Variants in KCTD8 observed in about 807,000 individuals in gnomAD.
KCTD8 encodes BTB/POZ domain-containing protein KCTD8.
Under a neutral mutation model 31.5 loss-of-function variants are expected in KCTD8, and 27 were observed. The observed-to-expected ratio is 0.86, with a 90% CI of 0.63 to 1.18. The LOEUF (loss-of-function observed/expected upper bound fraction) is 1.18. KCTD8 is among the 50% of genes most tolerant of loss of function. KCTD8 has a pLI of 0.00. For missense variants in KCTD8, 658 were observed against 647.7 expected, an observed-to-expected ratio of 1.02 and a Z score of -0.17; for synonymous variants, 290 against 280.0, an observed-to-expected ratio of 1.04 and a Z score of -0.36.
At chr4:44,352,549 A>T (rs1719230157) in intron 1 of KCTD8, among the ~76,000 whole-genome samples, 1 of 147,634 alleles carries the variant, frequency 6.8e-6, no homozygotes, top group Non-Finnish European at 1.5e-5. Context: ...ATATTTTTGT[A>T]TATTATATAT....
chr4:44,282,606 C>G (rs895599198), intron 1 of KCTD8, among the ~76,000 whole-genome samples: 1 of 152,132 alleles, frequency 6.6e-6, no homozygotes, highest in Admixed American at 6.6e-5. Context: ...ATCTGAACCT[C>G]TTGCACCAAA....
intron 1 of KCTD8, among the ~76,000 whole-genome samples, chr4:44,391,085 C>G (rs545492943): frequency 6.6e-6 from 1 of 151,792 alleles, no homozygotes; most frequent in Non-Finnish European, 1.5e-5. Flanking sequence ...GAATGGAAAA[C>G]CAAACATTGT....
chr4:44,303,957 C>G (rs1201151997), intron 1 of KCTD8, among the ~76,000 whole-genome samples: 3 of 152,114 alleles, frequency 2.0e-5, no homozygotes, highest in Non-Finnish European at 2.9e-5. Flanking sequence ...AATACAAACT[C>G]AGGTTACAAA....
At chr4:44,297,210 G>T (rs1485723214) in intron 1 of KCTD8, among the ~76,000 whole-genome samples, 1 of 151,898 alleles carries the variant, frequency 6.6e-6, no homozygotes, top group Non-Finnish European at 1.5e-5. Flanking sequence ...CCATAAATAG[G>T]TAAGCCCAAT....
chr4:44,291,659 A>T (rs1174762312), intron 1 of KCTD8, among the ~76,000 whole-genome samples: 1 of 152,188 alleles, frequency 6.6e-6, no homozygotes, highest in Admixed American at 6.6e-5. Context: ...CTATACAGCA[A>T]GAGAAATGAT....
At chr4:44,202,706 T>G (rs999175214) in intron 1 of KCTD8, among the ~76,000 whole-genome samples, 1 of 152,148 alleles carries the variant, frequency 6.6e-6, no homozygotes, top group South Asian at 2.1e-4. Flanking sequence ...TAGGATCACC[T>G]GTACTCAAAT....
At chr4:44,415,997 C>A (rs1312805931) in intron 1 of KCTD8, among the ~76,000 whole-genome samples, 1 of 152,190 alleles carries the variant, frequency 6.6e-6, no homozygotes, top group Non-Finnish European at 1.5e-5. Flanking sequence ...GCACTCAACT[C>A]CAACCCATGA....
At chr4:44,206,250 G>C (rs936459634) in intron 1 of KCTD8, among the ~76,000 whole-genome samples, 18 of 152,180 alleles carry the variant, frequency 1.2e-4, no homozygotes, top group African/African-American at 4.3e-4. Context: ...TTCATTACTG[G>C]TTCAATAGCA....
intron 1 of KCTD8, among the ~76,000 whole-genome samples, chr4:44,179,761 T>G (rs927060135): frequency 6.6e-6 from 1 of 151,988 alleles, no homozygotes. Context: ...CAGTTTTAAT[T>G]GCTATCCATT....
At chr4:44,235,578 T>TATATATATAGAGAG (rs1553895183) in intron 1 of KCTD8, among the ~76,000 whole-genome samples, 1 of 64,102 alleles carries the variant, frequency 1.6e-5, no homozygotes, top group African/African-American at 5.1e-5. Flanking sequence ...TATATATATT[T>TATATATATAGAGAG]AGAGAGAGAG....
At chr4:44,296,951 C>A (rs565245603) in intron 1 of KCTD8, among the ~76,000 whole-genome samples, 2 of 152,044 alleles carry the variant, frequency 1.3e-5, no homozygotes, top group Non-Finnish European at 2.9e-5. Flanking sequence ...TTTTCATTTT[C>A]TTTTACATCA....
intron 1 of KCTD8, among the ~76,000 whole-genome samples, chr4:44,255,803 A>G (rs1323521070): frequency 6.6e-6 from 1 of 151,980 alleles, no homozygotes. Context: ...TAAAAACATA[A>G]GATAACATCT....
At chr4:44,283,677 T>G (rs1716967954) in intron 1 of KCTD8, among the ~76,000 whole-genome samples, 3 of 152,078 alleles carry the variant, frequency 2.0e-5, no homozygotes, top group Admixed American at 2.0e-4. Context: ...AGAAAAAAGA[T>G]TCCTTTCAAA....
chr4:44,295,385 G>C (rs1717397728), intron 1 of KCTD8, among the ~76,000 whole-genome samples: 1 of 152,010 alleles, frequency 6.6e-6, no homozygotes, highest in Admixed American at 6.6e-5. Flanking sequence ...GGCAATGTTT[G>C]GTTTGTTCCT....
chr4:44,448,034 C>A lies in KCTD8; in HGVS notation c.490G>T (p.Asp164Tyr). 6.2e-7 allele frequency: 1 copy of A among 1,608,552 alleles called. No homozygotes were observed. Among genetic ancestry groups the A allele is most frequent in the Non-Finnish European group, 8.5e-7 (1 of 1,178,020 alleles). ...CCCTGCGAGACGTTGTCCTCCAGGT[C>A]GCTCTGGCAGCCCTCGTCGTTGAGA... The part of the protein sequence containing the change: ...NSLNDEGCQS[D>Y]LEDNVSQGSS... The change falls in exon 1 of 2, where the codon GAC becomes TAC. Residue 164 changes from aspartate (D) to tyrosine (Y), a missense_variant. Coordinates refer to ENST00000360029, the MANE Select transcript of KCTD8 (RefSeq NM_198353.3). This position sits in a 1 kb window ranked among gnomAD's most constrained non-coding sequence, Gnocchi z 4.1.
intron 1 of KCTD8, among the ~76,000 whole-genome samples, chr4:44,443,460 C>G (rs1721862171): frequency 6.6e-6 from 1 of 152,132 alleles, no homozygotes; most frequent in Admixed American, 6.6e-5. Context: ...AACTAGTTTT[C>G]TTCAACTCAA....
At chr4:44,194,766 TCCCA>T (rs1240029781) in intron 1 of KCTD8, among the ~76,000 whole-genome samples, 1,065 of 19,996 alleles carry the variant, frequency 0.053, 67 homozygotes, top group African/African-American at 0.2. Context: ...CCTCCCTCCC[TCCCA>T]CCCTCCCCCC....
At chr4:44,284,368 G>T (rs1716995188) in intron 1 of KCTD8, among the ~76,000 whole-genome samples, 1 of 152,092 alleles carries the variant, frequency 6.6e-6, no homozygotes, top group South Asian at 2.1e-4. Context: ...ACAAGCAATG[G>T]GGAAAAGATT....
intron 1 of KCTD8, among the ~76,000 whole-genome samples, chr4:44,376,897 G>C (rs545912673): frequency 6.6e-6 from 1 of 152,270 alleles, no homozygotes; most frequent in East Asian, 1.9e-4. Flanking sequence ...GGCATGGAAA[G>C]ATGTAGAATA....
Sources: allele counts gnomAD v4.1 joint callset (sites outside exome capture counted in the v4.1 genomes callset), GRCh38; gene constraint gnomAD v4.1.1; non-coding constraint Gnocchi (gnomAD v3.1); transcripts MANE v1.5; gene names NCBI Gene and HGNC (gene_info 2026-07-23, HGNC 2026-07-21).